Variants in CCSER1 observed in about 807,000 individuals in gnomAD.
The protein encoded by CCSER1 is serine-rich coiled-coil domain-containing protein 1.
CCSER1 carries 41 observed loss-of-function variants against 82.0 expected under a neutral mutation model. The ratio of observed to expected loss-of-function variants is 0.50; its 90% confidence interval spans 0.39 to 0.65. CCSER1 has a LOEUF of 0.65. Ranked by LOEUF, CCSER1 falls within the 30% of genes least tolerant of loss-of-function variation. The pLI, the probability that CCSER1 is intolerant of heterozygous loss-of-function variation, is 0.00. For missense variants in CCSER1, 1,119 were observed against 1,064.2 expected, an observed-to-expected ratio of 1.05 and a Z score of -0.72; for synonymous variants, 414 against 383.9, an observed-to-expected ratio of 1.08 and a Z score of -0.92.
intron 5 of CCSER1, among the ~76,000 whole-genome samples, chr4:90,505,910 G>A (rs1560628092): frequency 6.6e-6 from 1 of 152,074 alleles, no homozygotes; most frequent in Non-Finnish European, 1.5e-5. Flanking sequence ...TCCCATTAAA[G>A]TCTCTTAGTC....
At chr4:90,414,244 T>C (rs1329450517) in intron 4 of CCSER1, among the ~76,000 whole-genome samples, 1 of 151,338 alleles carries the variant, frequency 6.6e-6, no homozygotes, top group African/African-American at 2.4e-5. Context: ...TATCTAATTT[T>C]ATTGTTTTAA....
chr4:91,402,032 C>G (rs956314595), intron 10 of CCSER1, among the ~76,000 whole-genome samples: 2 of 152,194 alleles, frequency 1.3e-5, no homozygotes, highest in Non-Finnish European at 2.9e-5. Context: ...TAAAAGTGTT[C>G]CTATTTCTCC....
intron 1 of CCSER1, among the ~76,000 whole-genome samples, chr4:90,149,804 ACATT>A (rs763547108): frequency 1.3e-5 from 2 of 152,148 alleles, no homozygotes; most frequent in Non-Finnish European, 2.9e-5. Flanking sequence ...AAAAATAGAA[ACATT>A]CAGTAAAGAA....
intron 10 of CCSER1, among the ~76,000 whole-genome samples, chr4:91,507,660 C>T (rs1344300592): frequency 1.3e-5 from 2 of 151,698 alleles, no homozygotes; most frequent in African/African-American, 2.4e-5. Context: ...AATACACGTC[C>T]TTTACATATA....
At chr4:90,947,544 C>T (rs1732404478) in intron 9 of CCSER1, among the ~76,000 whole-genome samples, 2 of 152,258 alleles carry the variant, frequency 1.3e-5, no homozygotes, top group East Asian at 1.9e-4. Flanking sequence ...GCAATCAATG[C>T]ATTATCTACT....
intron 9 of CCSER1, among the ~76,000 whole-genome samples, chr4:90,933,441 C>G (rs1730518727): frequency 6.6e-6 from 1 of 151,262 alleles, no homozygotes; most frequent in African/African-American, 2.4e-5. Flanking sequence ...CCCACCTCGG[C>G]CTCCCCAAGT....
At chr4:90,670,960 G>A (rs1490345376) in intron 6 of CCSER1, among the ~76,000 whole-genome samples, 1 of 152,040 alleles carries the variant, frequency 6.6e-6, no homozygotes. Context: ...TACACACAAT[G>A]TTTGGTTTCC....
At chr4:90,161,798 AT>A (rs1398291426) in intron 1 of CCSER1, among the ~76,000 whole-genome samples, 1 of 152,224 alleles carries the variant, frequency 6.6e-6, no homozygotes, top group East Asian at 1.9e-4. Context: ...AAATTCTCAT[AT>A]TTTTTTCAGT....
chr4:90,630,766 A>G (rs1412137182), intron 6 of CCSER1, among the ~76,000 whole-genome samples: 1 of 151,760 alleles, frequency 6.6e-6, no homozygotes, highest in Non-Finnish European at 1.5e-5. Context: ...TTGGAGTTTA[A>G]TATCAATATT....
At chr4:90,882,429 G>A (rs553623467) in intron 8 of CCSER1, among the ~76,000 whole-genome samples, 1 of 152,038 alleles carries the variant, frequency 6.6e-6, no homozygotes, top group Admixed American at 6.5e-5. Flanking sequence ...TATTTACTAA[G>A]TATTTTATAC....
chr4:91,487,780 GACATTAT>G (rs1268447804), intron 10 of CCSER1, among the ~76,000 whole-genome samples: 2 of 151,624 alleles, frequency 1.3e-5, no homozygotes, highest in South Asian at 2.1e-4. Context: ...TATGTCTGTT[GACATTAT>G]ACATTATACA....
Position 90,531,396 on chromosome 4 carries a change from C to CT in CCSER1, c.1724+63059dup, listed in dbSNP as rs77768534. Among the ~76,000 whole-genome samples the CT allele has an allele frequency of 2.7e-3, 357 of 130,212 alleles. 1 individual carries two copies. Among genetic ancestry groups the CT allele is most frequent in the East Asian group, 0.012 (57 of 4,574 alleles). 85.4% of individuals were successfully genotyped at this position (130,212 alleles called of 152,430 possible). On this transcript the variant is annotated intron_variant, in intron 5 of 10. Transcript: ENST00000509176. ...AGTGAGATTCATACACTGCAGGTTT[C>CT]TTTTTTTTTTTTTTTTTAACTTTTC...
chr4:91,574,399 T>C (rs1197760189), intron 10 of CCSER1, among the ~76,000 whole-genome samples: 2 of 152,038 alleles, frequency 1.3e-5, no homozygotes, highest in Non-Finnish European at 2.9e-5. Flanking sequence ...TTACTGGATA[T>C]GTATCTAAAA....
chr4:91,362,287 G>T (rs1405025009), intron 10 of CCSER1, among the ~76,000 whole-genome samples: 1 of 151,778 alleles, frequency 6.6e-6, no homozygotes, highest in East Asian at 1.9e-4. Context: ...TGAGAGTGAA[G>T]ATTACCTTGA....
At chr4:91,533,767 A>G (rs758962118) in intron 10 of CCSER1, among the ~76,000 whole-genome samples, 14 of 152,044 alleles carry the variant, frequency 9.2e-5, no homozygotes, top group Non-Finnish European at 1.8e-4. Flanking sequence ...CATTATTTCT[A>G]CATTTCCCAA....
At chr4:90,803,746 C>T (rs1385268619) in intron 7 of CCSER1, among the ~76,000 whole-genome samples, 1 of 152,078 alleles carries the variant, frequency 6.6e-6, no homozygotes, top group Non-Finnish European at 1.5e-5. Context: ...ATTGCTGGGT[C>T]AAATGGTATT....
intron 10 of CCSER1, among the ~76,000 whole-genome samples, chr4:91,212,480 G>C (rs1410451989): frequency 6.6e-6 from 1 of 151,986 alleles, no homozygotes; most frequent in African/African-American, 2.4e-5. Flanking sequence ...CTGATGCACT[G>C]TTCTCACTAC....
chr4:90,527,946 C>A (rs1370663981), intron 5 of CCSER1, among the ~76,000 whole-genome samples: 2 of 151,966 alleles, frequency 1.3e-5, no homozygotes, highest in African/African-American at 4.8e-5. Flanking sequence ...TGTATTAAAT[C>A]TTTTTGCTGA....
In CCSER1 at chr4:90,820,879, T is replaced by C. The variant is rs148364225; in HGVS notation, c.2094+5034T>C. ...CTAGAATAATTAATAGTATTTAACT[T>C]TGAGAAATTAGACTGCTCAATTTCT... On this transcript the variant is annotated intron_variant, in intron 8 of 10. Coordinates refer to ENST00000509176, the MANE Select transcript of CCSER1 (RefSeq NM_001145065.2). Among the ~76,000 whole-genome samples, 71 of 152,208 alleles carry C rather than the reference T, an allele frequency of 4.7e-4. 1 individual carries two copies. The East Asian group carries it at 0.012, about 25-fold the overall frequency.
Sources: gnomAD v4.1 joint callset for allele counts (sites outside exome capture counted in the v4.1 genomes callset) on GRCh38, gnomAD v4.1.1 for gene constraint, MANE v1.5 for transcripts, NCBI Gene and HGNC (gene_info 2026-07-23, HGNC 2026-07-21) for gene names.